Variants in DIP2C observed in about 807,000 individuals in gnomAD.
DIP2C encodes the protein disco-interacting protein 2 homolog C.
Under a neutral mutation model 192.4 loss-of-function variants are expected in DIP2C, and 33 were observed. That is an observed-to-expected ratio of 0.17 (90% CI 0.13 to 0.23). The LOEUF (loss-of-function observed/expected upper bound fraction) is 0.23, where lower values mean the gene tolerates loss of function less well. Ranked by LOEUF, DIP2C falls within the 10% of genes least tolerant of loss-of-function variation. The pLI is 1.00. For missense variants in DIP2C, 1,537 were observed against 2,110.1 expected, an observed-to-expected ratio of 0.73 and a Z score of 5.32; for synonymous variants, 979 against 864.1, an observed-to-expected ratio of 1.13 and a Z score of -2.33.
chr10:331,739 G>A (rs1957517858), intron 29 of DIP2C, among the ~76,000 whole-genome samples: 1 of 152,182 alleles, frequency 6.6e-6, no homozygotes, highest in South Asian at 2.1e-4. Flanking sequence ...GACACCGAGG[G>A]ACGACTTTCT....
At chr10:374,151 T>A (rs117829251) in intron 17 of DIP2C, among the ~76,000 whole-genome samples, 1 of 152,212 alleles carries the variant, frequency 6.6e-6, no homozygotes, top group Non-Finnish European at 1.5e-5. Context: ...TGAATTCAGC[T>A]GGTTTGTTAC....
chr10:387,596 T>TG (rs1963071989), intron 14 of DIP2C, 149 bp downstream of exon 14: 7 of 253,168 alleles, frequency 2.8e-5, no homozygotes, highest in African/African-American at 1.9e-4. Flanking sequence ...ACAGGCAGGG[T>TG]GGGAGGGAGA....
chr10:645,669 G>A (rs1588665388), intron 1 of DIP2C, among the ~76,000 whole-genome samples: 1 of 152,208 alleles, frequency 6.6e-6, no homozygotes, highest in Non-Finnish European at 1.5e-5. Flanking sequence ...TAAAGTCACT[G>A]TAAACAATTA....
intron 1 of DIP2C, among the ~76,000 whole-genome samples, chr10:591,804 C>T (rs1432325124): frequency 1.3e-5 from 2 of 151,366 alleles, no homozygotes; most frequent in African/African-American, 4.9e-5. Flanking sequence ...CCTTCCTTTT[C>T]AGAACTTCCA....
At chr10:435,663 G>C (rs1049915818) in intron 4 of DIP2C, among the ~76,000 whole-genome samples, 1 of 152,176 alleles carries the variant, frequency 6.6e-6, no homozygotes. Context: ...GAGCTGCTGA[G>C]TTTTCAGTTT....
At chr10:350,030 C>T (rs958056927) in intron 24 of DIP2C, among the ~76,000 whole-genome samples, 5 of 152,162 alleles carry the variant, frequency 3.3e-5, no homozygotes, top group African/African-American at 1.2e-4. Flanking sequence ...ATACCTTACA[C>T]GAGGGTTGTG....
chr10:294,742 A>G (rs1490229446), intron 32 of DIP2C, among the ~76,000 whole-genome samples: 1 of 152,140 alleles, frequency 6.6e-6, no homozygotes, highest in African/African-American at 2.4e-5. Context: ...ATTTTTGGGA[A>G]CTCCTTCGTT....
intron 1 of DIP2C, chr10:662,207 C>T (rs1856803275): frequency 1.5e-6 from 1 of 677,510 alleles, no homozygotes; most frequent in Admixed American, 2.1e-5. Flanking sequence ...GAGTACAGGC[C>T]TCACACCTGC....
At chr10:383,802 T>G (rs572376388) in intron 16 of DIP2C, among the ~76,000 whole-genome samples, 1 of 152,122 alleles carries the variant, frequency 6.6e-6, no homozygotes, top group East Asian at 1.9e-4. Context: ...ATGCCTGTCC[T>G]TATTATGCCA....
At chr10:472,416 G>A (rs1264541473) in intron 3 of DIP2C, 23 bp downstream of exon 3, 2 of 1,605,526 alleles carry the variant, frequency 1.2e-6, no homozygotes, top group Non-Finnish European at 1.7e-6. Flanking sequence ...TGGACGTATT[G>A]TATCACCCCA....
intron 1 of DIP2C, among the ~76,000 whole-genome samples, chr10:551,488 G>T (rs1848584060): frequency 3.5e-5 from 5 of 143,420 alleles, no homozygotes; most frequent in Admixed American, 2.7e-4. Context: ...GCAGCTGGAA[G>T]CAGGATCCCA....
chr10:575,420 G>T (rs1850089771), intron 1 of DIP2C, among the ~76,000 whole-genome samples: 1 of 152,196 alleles, frequency 6.6e-6, no homozygotes, highest in African/African-American at 2.4e-5. Context: ...TGAGAGAAAG[G>T]AGCTGGGATC....
At chr10:298,339 A>C (rs1280311313) in intron 32 of DIP2C, among the ~76,000 whole-genome samples, 2 of 152,170 alleles carry the variant, frequency 1.3e-5, no homozygotes, top group African/African-American at 4.8e-5. Context: ...GGCATTTTGG[A>C]AAAGGGCTTT....
intron 6 of DIP2C, among the ~76,000 whole-genome samples, chr10:416,573 T>TA (rs1288664984): frequency 3.3e-5 from 5 of 152,214 alleles, no homozygotes; most frequent in African/African-American, 4.8e-5. Context: ...AACAGAATAC[T>TA]AGCCCCTACC....
chr10:616,416 A>C (rs1458525273), intron 1 of DIP2C, among the ~76,000 whole-genome samples: 1 of 152,230 alleles, frequency 6.6e-6, no homozygotes, highest in African/African-American at 2.4e-5. Context: ...CTTTGTTCAT[A>C]AAAGATTTTC....
chr10:491,263 C>A (rs541794344), intron 1 of DIP2C, among the ~76,000 whole-genome samples: 7 of 152,350 alleles, frequency 4.6e-5, no homozygotes, highest in African/African-American at 1.7e-4. Flanking sequence ...AGCACACAGA[C>A]CCACTCGGCA....
At chr10:391,822 C>G (rs946756928) in intron 10 of DIP2C, among the ~76,000 whole-genome samples, 1 of 152,192 alleles carries the variant, frequency 6.6e-6, no homozygotes, top group African/African-American at 2.4e-5. Context: ...GATCTTCCCA[C>G]CTGTTCCCTG....
chr10:397,207 G>A (rs995149207), intron 10 of DIP2C, among the ~76,000 whole-genome samples: 6 of 152,148 alleles, frequency 3.9e-5, no homozygotes, highest in Non-Finnish European at 8.8e-5. Context: ...AGAGCTGGAA[G>A]AGTCACCCAC....
intron 1 of DIP2C, among the ~76,000 whole-genome samples, chr10:673,437 A>G (rs117480669): frequency 0.01 from 1,588 of 152,290 alleles, 15 homozygotes; most frequent in South Asian, 0.014. Flanking sequence ...GATTTTTTCT[A>G]TATCTTTGTT....
Sources: allele counts gnomAD v4.1 joint callset (sites outside exome capture counted in the v4.1 genomes callset), GRCh38; gene constraint gnomAD v4.1.1; transcripts MANE v1.5; gene names NCBI Gene and HGNC (gene_info 2026-07-23, HGNC 2026-07-21).